PARPBP: variants seen among roughly 807,000 people sequenced by gnomAD.
The protein encoded by PARPBP is PCNA-interacting partner.
In PARPBP, 52 loss-of-function variants were observed where a neutral mutation model predicts 50.0. That is an observed-to-expected ratio of 1.04 (90% confidence interval 0.83 to 1.31). The LOEUF (loss-of-function observed/expected upper bound fraction) is 1.31, where lower values mean the gene tolerates loss of function less well. Among genes scored for constraint, PARPBP ranks in the 50% most tolerant of loss-of-function variants. The probability of loss-of-function intolerance (pLI) is 0.00; values close to 1 mark genes in which losing one functional copy is unlikely to be tolerated. For missense variants in PARPBP, 697 were observed against 672.0 expected (o/e 1.04, Z -0.41); for synonymous variants, 244 against 232.1 (o/e 1.05, Z -0.47).
rs966679768 is a variant in PARPBP at position 102,178,623 on chromosome 12, C to T, written c.1037C>T (p.Ala346Val). The T allele has an allele frequency of 4.4e-5, 71 of 1,611,946 alleles. No homozygotes were observed. The highest frequency in any genetic ancestry group is 5.6e-5 in the Non-Finnish European group (66 of 1,179,034). ...TCTCATGCCATAAACCATGGTACTG[C>T]ATACTGTGGCAGAGATACTGTGAAA... Reference protein sequence around the residue: ...PKSHAINHGTAYCGRDTVKAL... With the variant: ...PKSHAINHGTVYCGRDTVKAL... Residue 346 changes from alanine (A) to valine (V), a missense_variant, in exon 8 of 11, where the codon GCA becomes GTA. Ala to Val is a moderately conservative substitution (Grantham distance 64). Coordinates refer to ENST00000327680, the MANE Select transcript of PARPBP (RefSeq NM_017915.5).
intron 2 of PARPBP, among the ~76,000 whole-genome samples, chr12:102,143,601 G>A (rs563709619): frequency 6.6e-6 from 1 of 152,130 alleles, no homozygotes; most frequent in Non-Finnish European, 1.5e-5. Context: ...TTCCTATTTG[G>A]CCATCTTGGA....
chr12:102,185,720 G>A (rs1158700428), intron 9 of PARPBP, among the ~76,000 whole-genome samples: 3 of 152,008 alleles, frequency 2.0e-5, no homozygotes, highest in Non-Finnish European at 2.9e-5. Context: ...GTACAGTGGC[G>A]TGATCTCGGC....
intron 9 of PARPBP, among the ~76,000 whole-genome samples, chr12:102,193,379 G>A (rs1890985729): frequency 6.6e-6 from 1 of 151,862 alleles, no homozygotes; most frequent in Non-Finnish European, 1.5e-5. Context: ...TATGGGTGGT[G>A]CTCATGAGAG....
At position 102,190,286 on chromosome 12, in the gene PARPBP, T is replaced by G. The variant is rs150768050; in HGVS notation, c.1264-5026T>G. Among the ~76,000 whole-genome samples the G allele has an allele frequency of 2.1e-3, 320 of 152,232 alleles. 3 individuals are homozygous for G. The highest frequency in any genetic ancestry group is 3.2e-3 in the Non-Finnish European group (219 of 68,012). On this transcript the variant is annotated intron_variant, in intron 9 of 10. Transcript: ENST00000327680. Reference sequence around the variant, plus strand: ...TATAGTCTGTTGTAATTTTACTTCATTAATTAATTCATTCAAAAAACAGTA... The same window carrying G: ...TATAGTCTGTTGTAATTTTACTTCAGTAATTAATTCATTCAAAAAACAGTA...
At chr12:102,121,206 G>C (rs1238014182) in intron 1 of PARPBP, among the ~76,000 whole-genome samples, 1 of 152,200 alleles carries the variant, frequency 6.6e-6, no homozygotes, top group Non-Finnish European at 1.5e-5. Flanking sequence ...GACTAGACCA[G>C]GGGTTGGCAA....
chr12:102,140,674 G>A (rs576475684), intron 2 of PARPBP, among the ~76,000 whole-genome samples: 1 of 152,170 alleles, frequency 6.6e-6, no homozygotes, highest in South Asian at 2.1e-4. Flanking sequence ...AGAGATTCTG[G>A]TGTGTTGTGT....
chr12:102,159,938 C>T (rs1320765302), intron 4 of PARPBP, among the ~76,000 whole-genome samples: 2 of 152,172 alleles, frequency 1.3e-5, no homozygotes, highest in South Asian at 2.1e-4. Context: ...AGCTTCTAAA[C>T]AAACATTGCA....
chr12:102,144,633 G>A (rs1361458246), intron 2 of PARPBP, among the ~76,000 whole-genome samples: 2 of 152,126 alleles, frequency 1.3e-5, no homozygotes, highest in Non-Finnish European at 1.5e-5. Flanking sequence ...ACTAGTTATA[G>A]TCAAAAGGGT....
Position 102,182,615 on chromosome 12 carries a change from GA to G in PARPBP, c.1258del (p.Ile420LeufsTer3). The G allele has an allele frequency of 6.2e-7, 1 of 1,606,056 alleles. No homozygotes were observed. Among genetic ancestry groups the G allele is most frequent in the Non-Finnish European group, 8.5e-7 (1 of 1,174,612 alleles). ...RERICVSMQE[K>X]KIKMKQTLIR... The stretch of plus-strand genomic sequence containing the variant: ...AACGCATCTGTGTGTCAATGCAAGA[GA>G]AAAAAATTAAGGTACAATTTAATGC... On this transcript the variant is annotated frameshift_variant, in exon 9 of 11. Coordinates refer to ENST00000327680, the MANE Select transcript of PARPBP (RefSeq NM_017915.5). LOFTEE classifies it high-confidence loss of function.
At chr12:102,156,842 A>G (rs1594544304) in intron 4 of PARPBP, among the ~76,000 whole-genome samples, 1 of 152,056 alleles carries the variant, frequency 6.6e-6, no homozygotes, top group East Asian at 1.9e-4. Flanking sequence ...AGGTTTTACT[A>G]TGATGGTCAG....
intron 1 of PARPBP, among the ~76,000 whole-genome samples, chr12:102,121,213 G>A (rs925176061): frequency 1.3e-5 from 2 of 152,222 alleles, no homozygotes; most frequent in Admixed American, 1.3e-4. Flanking sequence ...CCAGGGGTTG[G>A]CAAACTGGCT....
chr12:102,174,059 A>G (rs368376663), intron 6 of PARPBP, among the ~76,000 whole-genome samples: 52 of 151,966 alleles, frequency 3.4e-4, no homozygotes, highest in African/African-American at 1.0e-3. Context: ...TTCAACAAAC[A>G]TACATCAATC....
At chr12:102,148,755 T>A in intron 3 of PARPBP, 2 of 257,490 alleles carry the variant, frequency 7.8e-6, no homozygotes, top group Non-Finnish European at 1.4e-5. Flanking sequence ...TCTTTTTGAA[T>A]CATGTCAAAG....
At chr12:102,150,094 T>G (rs1394011761) in intron 3 of PARPBP, among the ~76,000 whole-genome samples, 1 of 152,188 alleles carries the variant, frequency 6.6e-6, no homozygotes, top group Non-Finnish European at 1.5e-5. Context: ...ATGATATATA[T>G]CAGGGTACAA....
chr12:102,146,423 A>G (rs1347673499), intron 2 of PARPBP, among the ~76,000 whole-genome samples: 1 of 152,166 alleles, frequency 6.6e-6, no homozygotes, highest in African/African-American at 2.4e-5. Context: ...CATATCTACA[A>G]CTATCTGATC....
Position 102,195,450 on chromosome 12 carries a change from A to G in PARPBP, c.1399+3A>G. 1 of 1,579,470 alleles carries G rather than the reference A, an allele frequency of 6.3e-7. No homozygotes were observed. Reference sequence around the variant, plus strand: ...TTACATGGAAAATGACCTTTCTGGTAATTGACCTTATTTGTGCAATTAAAT... The same window carrying G: ...TTACATGGAAAATGACCTTTCTGGTGATTGACCTTATTTGTGCAATTAAAT... On this transcript the variant is annotated splice_donor_region_variant and intron_variant, in intron 10 of 10. Transcript: ENST00000327680.
At chr12:102,168,708 A>G (rs1047337000) in intron 6 of PARPBP, among the ~76,000 whole-genome samples, 3 of 152,154 alleles carry the variant, frequency 2.0e-5, no homozygotes, top group Middle Eastern at 3.2e-3. Context: ...AGTTAAGCCT[A>G]ATTTTGAAGG....
chr12:102,137,521 T>C (rs1348827384), intron 2 of PARPBP, among the ~76,000 whole-genome samples: 1 of 152,144 alleles, frequency 6.6e-6, no homozygotes, highest in Non-Finnish European at 1.5e-5. Flanking sequence ...TAAAGATTTT[T>C]TTTTTTTAAT....
chr12:102,137,290 A>G (rs1883789241), intron 2 of PARPBP, among the ~76,000 whole-genome samples: 1 of 152,196 alleles, frequency 6.6e-6, no homozygotes, highest in Admixed American at 6.5e-5. Flanking sequence ...GTCTTAAAGT[A>G]TAATTCTTAC....
Sources: gnomAD v4.1 joint callset for allele counts (sites outside exome capture counted in the v4.1 genomes callset) on GRCh38, gnomAD v4.1.1 for gene constraint, MANE v1.5 for transcripts, NCBI Gene and HGNC (gene_info 2026-07-23, HGNC 2026-07-21) for gene names.